The following ATP8A2 variants were observed in gnomAD, a reference collection of about 807,000 sequenced individuals.
ATP8A2 encodes phospholipid-transporting ATPase IB.
Under a neutral mutation model 165.6 loss-of-function variants are expected in ATP8A2, and 100 were observed. The ratio of observed to expected loss-of-function variants is 0.60; its 90% CI spans 0.51 to 0.71. The LOEUF (loss-of-function observed/expected upper bound fraction) is 0.71. ATP8A2 is among the 30% of genes least tolerant of loss of function. The pLI is 0.00. For synonymous variants in ATP8A2, 543 were observed against 548.8 expected (o/e 0.99, Z 0.15); for missense variants, 1,227 against 1,479.5 (o/e 0.83, Z 2.80).
At chr13:25,895,347 G>A (rs534974845) in intron 33 of ATP8A2, among the ~76,000 whole-genome samples, 9 of 152,186 alleles carry the variant, frequency 5.9e-5, no homozygotes, top group East Asian at 1.9e-4. Flanking sequence ...ATTGATTTTC[G>A]TATGTTGAAC....
In ATP8A2 at chr13:25,571,677, A is replaced by T; in HGVS notation, c.1647A>T (p.Ser549=). Residue 549 remains serine, a synonymous_variant, in exon 18 of 37, where the codon TCA becomes TCT. Coordinates refer to ENST00000381655, the MANE Select transcript of ATP8A2 (RefSeq NM_016529.6). The part of the protein sequence containing the change: ...GFVFTARTPF[S]VIIEAMGQEQ... Reference sequence around the variant, plus strand: ...TCTTCACAGCCAGAACACCATTCTCAGTCATCATAGAAGCGGTGAGTAACA... The same window carrying T: ...TCTTCACAGCCAGAACACCATTCTCTGTCATCATAGAAGCGGTGAGTAACA... 3.1e-6 allele frequency: 5 copies of T among 1,613,992 alleles called. No homozygotes were observed. Among genetic ancestry groups the T allele is most frequent in the Non-Finnish European group, 3.4e-6 (4 of 1,179,820 alleles).
intron 25 of ATP8A2, among the ~76,000 whole-genome samples, chr13:25,733,959 G>A (rs1050870749): frequency 4.6e-5 from 7 of 151,984 alleles, no homozygotes; most frequent in Non-Finnish European, 7.4e-5. Context: ...ATTTTTGTTC[G>A]TTGGCGATGA....
rs869044168 is a variant in ATP8A2 at position 25,885,105 on chromosome 13, C to CTTTT, written c.3183+22718_3183+22721dup. Among the ~76,000 whole-genome samples, 353 of 88,574 alleles carry CTTTT rather than the reference C, an allele frequency of 4.0e-3. 3 individuals carry two copies. Among genetic ancestry groups the CTTTT allele is most frequent in the East Asian group, 7.7e-3 (20 of 2,608 alleles). 58.1% of individuals were successfully genotyped at this position (88,574 alleles called of 152,430 possible). On this transcript the variant is annotated intron_variant, in intron 33 of 36. Transcript: ENST00000381655. ...AGAGTCAGTCTCCTTTCTCCGCTTGCTTTTTTTTTTTTTTTTTTTTTTTTG... is the reference window on the plus strand; with the variant it reads ...AGAGTCAGTCTCCTTTCTCCGCTTGCTTTTTTTTTTTTTTTTTTTTTTTTTTTTG...
chr13:25,559,142 A>G lies in ATP8A2; in HGVS notation c.1352+81A>G, dbSNP rs1032700087. ...TTTATTTTTAGCTACTTAGTCAAAT[A>G]TCTTGACTTTCTGATGTTTTGAAAG... is the stretch of plus-strand genomic sequence containing the variant. On this transcript the variant is annotated intron_variant, in intron 14 of 36. Coordinates refer to ENST00000381655, the MANE Select transcript of ATP8A2 (RefSeq NM_016529.6). 15 of 942,098 alleles carry G rather than the reference A, an allele frequency of 1.6e-5. No individual in the cohort carries two copies. The Admixed American group carries it at 3.2e-4, about 20-fold the overall frequency. 58.4% of individuals were successfully genotyped at this position (942,098 alleles called of 1,614,324 possible).
intron 24 of ATP8A2, among the ~76,000 whole-genome samples, chr13:25,605,268 A>G (rs1343045884): frequency 6.6e-6 from 1 of 152,192 alleles, no homozygotes; most frequent in Non-Finnish European, 1.5e-5. Flanking sequence ...AATGACTTCC[A>G]TGATGTGTCT....
intron 33 of ATP8A2, among the ~76,000 whole-genome samples, chr13:25,941,639 G>A (rs1343519106): frequency 2.0e-5 from 3 of 152,102 alleles, no homozygotes; most frequent in Admixed American, 6.5e-5. Context: ...TGTCCCTCTT[G>A]TTCCCCATAT....
intron 14 of ATP8A2, 63 bp from the exon 15 acceptor site, chr13:25,559,658 G>T: frequency 3.3e-6 from 4 of 1,219,642 alleles, no homozygotes; most frequent in South Asian, 2.4e-5. Flanking sequence ...GATCAGTTTT[G>T]ATCAGAATGT....
At chr13:25,544,760 T>C (rs1202469722) in intron 10 of ATP8A2, among the ~76,000 whole-genome samples, 1 of 152,112 alleles carries the variant, frequency 6.6e-6, no homozygotes, top group East Asian at 1.9e-4. Context: ...ATTTTGAAGA[T>C]GCGATAATGA....
At chr13:25,485,391 G>C (rs1280494955) in intron 2 of ATP8A2, among the ~76,000 whole-genome samples, 1 of 152,226 alleles carries the variant, frequency 6.6e-6, no homozygotes, top group Non-Finnish European at 1.5e-5. Flanking sequence ...AAAACTCCAA[G>C]ACAGAAAACA....
At chr13:25,460,869 C>A (rs1045396808) in intron 1 of ATP8A2, among the ~76,000 whole-genome samples, 1 of 152,190 alleles carries the variant, frequency 6.6e-6, no homozygotes, top group Non-Finnish European at 1.5e-5. Context: ...TGCCCTGTTT[C>A]TTTGGCCCCC....
intron 13 of ATP8A2, among the ~76,000 whole-genome samples, chr13:25,555,877 G>A (rs2038966020): frequency 6.6e-6 from 1 of 152,050 alleles, no homozygotes; most frequent in South Asian, 2.1e-4. Context: ...TGTGGTATTT[G>A]GCTTTCTGTT....
At chr13:25,930,636 T>C (rs970104678) in intron 33 of ATP8A2, among the ~76,000 whole-genome samples, 3 of 152,224 alleles carry the variant, frequency 2.0e-5, no homozygotes, top group Admixed American at 6.5e-5. Flanking sequence ...TTCCCCAGAA[T>C]GTAAGCATCT....
At chr13:25,606,168 T>C (rs1228822938) in intron 24 of ATP8A2, among the ~76,000 whole-genome samples, 2 of 152,176 alleles carry the variant, frequency 1.3e-5, no homozygotes, top group Non-Finnish European at 2.9e-5. Context: ...GAGGCTATCA[T>C]AGCAAAAATG....
chr13:25,836,708 A>G (rs971572892), intron 28 of ATP8A2, among the ~76,000 whole-genome samples: 2 of 152,174 alleles, frequency 1.3e-5, no homozygotes, highest in African/African-American at 4.8e-5. Context: ...TATCTAGCCC[A>G]TAATTTGTTT....
intron 33 of ATP8A2, among the ~76,000 whole-genome samples, chr13:25,906,182 C>CA (rs1953930670): frequency 6.6e-6 from 1 of 152,086 alleles, no homozygotes; most frequent in Non-Finnish European, 1.5e-5. Flanking sequence ...AGTCTCTGAT[C>CA]ATCTCTGTAT....
intron 24 of ATP8A2, among the ~76,000 whole-genome samples, chr13:25,697,349 G>A (rs1045225888): frequency 2.3e-4 from 35 of 152,040 alleles, no homozygotes; most frequent in Admixed American, 1.3e-4. Context: ...GTGCAATCTC[G>A]GCTCACTGCA....
At chr13:25,599,552 C>T (rs1305605269) in intron 24 of ATP8A2, among the ~76,000 whole-genome samples, 1 of 152,218 alleles carries the variant, frequency 6.6e-6, no homozygotes, top group Admixed American at 6.5e-5. Context: ...ATCACTCTGC[C>T]TCTGTCTTTG....
chr13:25,945,951 A>G (rs1593604851), intron 33 of ATP8A2, among the ~76,000 whole-genome samples: 1 of 152,148 alleles, frequency 6.6e-6, no homozygotes, highest in South Asian at 2.1e-4. Context: ...GAAGAAGTAT[A>G]TGCTTAGTTT....
At chr13:25,442,271 A>G (rs988139973) in intron 1 of ATP8A2, among the ~76,000 whole-genome samples, 3 of 152,184 alleles carry the variant, frequency 2.0e-5, no homozygotes, top group Admixed American at 6.5e-5. Context: ...CAGAAGTGAA[A>G]TTGCTGGATC....
Sources: allele counts gnomAD v4.1 joint callset (sites outside exome capture counted in the v4.1 genomes callset), GRCh38; gene constraint gnomAD v4.1.1; transcripts MANE v1.5; gene names NCBI Gene and HGNC (gene_info 2026-07-23, HGNC 2026-07-21).